Variants in ADAMTS12 observed in about 807,000 individuals in gnomAD.
ADAMTS12 encodes A disintegrin and metalloproteinase with thrombospondin motifs 12.
Under a neutral mutation model 167.8 loss-of-function variants are expected in ADAMTS12, and 118 were observed. That is an observed-to-expected ratio of 0.70 (90% CI 0.61 to 0.82). The LOEUF (loss-of-function observed/expected upper bound fraction) is 0.82. Ranked by LOEUF, ADAMTS12 falls within the 40% of genes least tolerant of loss-of-function variation. The probability of loss-of-function intolerance (pLI) is 0.00; values close to 1 mark genes in which losing one functional copy is unlikely to be tolerated. For synonymous variants in ADAMTS12, 704 were observed against 716.9 expected, an observed-to-expected ratio of 0.98 and a Z score of 0.29; for missense variants, 1,916 against 1,998.8, an observed-to-expected ratio of 0.96 and a Z score of 0.79.
At chr5:33,816,206 T>C (rs1420742366) in intron 2 of ADAMTS12, among the ~76,000 whole-genome samples, 1 of 152,176 alleles carries the variant, frequency 6.6e-6, no homozygotes, top group African/African-American at 2.4e-5. Context: ...TTTATAATTG[T>C]GTAAATTTGT....
Position 33,695,766 on chromosome 5 carries a change from T to A in ADAMTS12, c.635-11711A>T, listed in dbSNP as rs539718971. The stretch of plus-strand genomic sequence containing the variant: ...TTTGGTTTGGGGAGATGGGAAAACT[T>A]CTGGAGAGGGATGGATGGTGATGAT... On this transcript the variant is annotated intron_variant, in intron 3 of 23. Transcript: ENST00000504830. Among the ~76,000 whole-genome samples the A allele has an allele frequency of 1.8e-4, 27 of 152,274 alleles. 1 individual carries two copies. Among genetic ancestry groups the A allele is most frequent in the Non-Finnish European group, 3.4e-4 (23 of 68,014 alleles).
chr5:33,588,076 T>G (rs1026685857), intron 18 of ADAMTS12, among the ~76,000 whole-genome samples: 4 of 152,200 alleles, frequency 2.6e-5, no homozygotes, highest in African/African-American at 9.7e-5. Flanking sequence ...TTTGGGAAAA[T>G]GCAACATTTA....
intron 9 of ADAMTS12, among the ~76,000 whole-genome samples, chr5:33,644,585 ATTTAT>A (rs1740590585): frequency 6.6e-6 from 1 of 151,984 alleles, no homozygotes; most frequent in African/African-American, 2.4e-5. Flanking sequence ...ATTCTTATAT[ATTTAT>A]TTTATTATCC....
At chr5:33,622,023 T>C (rs1306319558) in intron 14 of ADAMTS12, among the ~76,000 whole-genome samples, 3 of 152,054 alleles carry the variant, frequency 2.0e-5, no homozygotes, top group South Asian at 2.1e-4. Flanking sequence ...TGGAAAGGAA[T>C]TGTAGGAAGG....
At chr5:33,568,258 T>C (rs184374396) in intron 19 of ADAMTS12, among the ~76,000 whole-genome samples, 5 of 152,188 alleles carry the variant, frequency 3.3e-5, no homozygotes, top group Admixed American at 2.6e-4. Flanking sequence ...TAAATGGAGA[T>C]AAGATGACAG....
intron 2 of ADAMTS12, 198 bp downstream of exon 2, chr5:33,880,921 T>C (rs1750410229): frequency 5.5e-6 from 4 of 725,452 alleles, no homozygotes; most frequent in African/African-American, 3.5e-5. Flanking sequence ...TCAGTGCCCT[T>C]ACTCTTTGTA....
intron 3 of ADAMTS12, among the ~76,000 whole-genome samples, chr5:33,696,427 A>AAAAG: frequency 6.6e-6 from 1 of 151,632 alleles, no homozygotes; most frequent in African/African-American, 2.4e-5. Flanking sequence ...TCTCAAAAAA[A>AAAAG]AAAAAAAAAA....
At chr5:33,669,655 T>TA (rs1234368217) in intron 5 of ADAMTS12, among the ~76,000 whole-genome samples, 1 of 151,518 alleles carries the variant, frequency 6.6e-6, no homozygotes, top group Admixed American at 6.6e-5. Context: ...GGTGTAGTAT[T>TA]AAAAAAAAGG....
In ADAMTS12 at chr5:33,714,340, A is replaced by G. The variant is rs142463108; in HGVS notation, c.635-30285T>C. The stretch of plus-strand genomic sequence containing the variant: ...ACTGTTGTTGGCAATGTAAATCAAA[A>G]TGTAATGCAAATGCAATGTAAATGC... On this transcript the variant is annotated intron_variant, in intron 3 of 23. Coordinates refer to ENST00000504830, the MANE Select transcript of ADAMTS12 (RefSeq NM_030955.4). 4.1e-3 allele frequency among the ~76,000 whole-genome samples: 630 copies of G among 152,242 alleles called. 9 individuals are homozygous for G. The highest frequency in any genetic ancestry group is 0.014 in the African/African-American group (600 of 41,562).
In ADAMTS12 at chr5:33,835,939, CTCTCTCTCTCTCTCTG is replaced by C. The variant is rs1183316160; in HGVS notation, c.489+45164_489+45179del. Among the ~76,000 whole-genome samples the C allele has an allele frequency of 8.9e-5, 5 of 56,132 alleles. 1 individual carries two copies. The East Asian group carries it at 1.6e-3, about 18-fold the overall frequency. 36.8% of individuals were successfully genotyped at this position (56,132 alleles called of 152,430 possible). On this transcript the variant is annotated intron_variant, in intron 2 of 23. Transcript: ENST00000504830. ...TCTCTCTCTCTCTCTCTCTCTCTCT[CTCTCTCTCTCTCTCTG>C]TGTGTGTGTGTGTGTCCATCTGGGC...
chr5:33,587,071 C>T (rs554636883), intron 18 of ADAMTS12, among the ~76,000 whole-genome samples: 53 of 151,476 alleles, frequency 3.5e-4, no homozygotes, highest in Non-Finnish European at 5.3e-4. Context: ...CACCTAGATG[C>T]CCAAGAGAAC....
intron 1 of ADAMTS12, among the ~76,000 whole-genome samples, chr5:33,882,674 C>T (rs1750492471): frequency 6.6e-6 from 1 of 152,130 alleles, no homozygotes; most frequent in South Asian, 2.1e-4. Context: ...TCACCGCAAC[C>T]TCCGCCTTCC....
At chr5:33,830,296 G>A (rs920838882) in intron 2 of ADAMTS12, among the ~76,000 whole-genome samples, 1 of 152,094 alleles carries the variant, frequency 6.6e-6, no homozygotes, top group East Asian at 1.9e-4. Context: ...ATGGCAAAAA[G>A]GAGGTAAGAC....
At chr5:33,540,069 C>G (rs544748269) in intron 22 of ADAMTS12, among the ~76,000 whole-genome samples, 5 of 152,356 alleles carry the variant, frequency 3.3e-5, no homozygotes, top group Admixed American at 3.3e-4. Context: ...GAAGCCATGA[C>G]AGACTGTACC....
chr5:33,749,968 A>G (rs1045401860), intron 3 of ADAMTS12, among the ~76,000 whole-genome samples: 6 of 152,148 alleles, frequency 3.9e-5, no homozygotes, highest in Non-Finnish European at 7.4e-5. Flanking sequence ...AAGATCACTC[A>G]CTGTCCTAGT....
intron 3 of ADAMTS12, among the ~76,000 whole-genome samples, chr5:33,733,187 T>C (rs1233031932): frequency 7.8e-6 from 1 of 128,748 alleles, no homozygotes; most frequent in Non-Finnish European, 1.8e-5. Flanking sequence ...AAAAAATATA[T>C]GGTTATTATA....
chr5:33,666,798 AG>A (rs1741488048), intron 5 of ADAMTS12, among the ~76,000 whole-genome samples: 1 of 152,128 alleles, frequency 6.6e-6, no homozygotes, highest in Admixed American at 6.5e-5. Flanking sequence ...GCCACCATAC[AG>A]GGTCTTTTTA....
intron 5 of ADAMTS12, among the ~76,000 whole-genome samples, chr5:33,682,105 T>C (rs1742142094): frequency 1.3e-5 from 2 of 152,204 alleles, no homozygotes; most frequent in Admixed American, 6.5e-5. Context: ...CAAGATATGA[T>C]AAGGCCAAAC....
At chr5:33,609,643 A>T (rs1303768024) in intron 16 of ADAMTS12, among the ~76,000 whole-genome samples, 1 of 152,180 alleles carries the variant, frequency 6.6e-6, no homozygotes, top group East Asian at 1.9e-4. Context: ...TAATATTTCT[A>T]CTTAATATGA....
Sources: gnomAD v4.1 joint callset for allele counts (sites outside exome capture counted in the v4.1 genomes callset) on GRCh38, gnomAD v4.1.1 for gene constraint, MANE v1.5 for transcripts, NCBI Gene and HGNC (gene_info 2026-07-23, HGNC 2026-07-21) for gene names.